Variants in ANK3 observed in about 807,000 individuals in gnomAD.
ANK3 encodes the protein ankyrin-3.
A neutral mutation model predicts 370.9 loss-of-function variants in ANK3; 57 were observed. That is an observed-to-expected ratio of 0.15 (90% CI 0.12 to 0.19). The LOEUF (loss-of-function observed/expected upper bound fraction) is 0.19, where lower values mean the gene tolerates loss of function less well. ANK3 is among the 10% of genes least tolerant of loss of function. The probability of loss-of-function intolerance (pLI) is 1.00; values close to 1 mark genes in which losing one functional copy is unlikely to be tolerated. For synonymous variants in ANK3, 1,929 were observed against 1,946.3 expected, an observed-to-expected ratio of 0.99 and a Z score of 0.23; for missense variants, 4,439 against 5,302.1, an observed-to-expected ratio of 0.84 and a Z score of 5.06.
intron 2 of ANK3, among the ~76,000 whole-genome samples, chr10:60,594,936 C>T (rs1251682348): frequency 1.3e-5 from 2 of 152,082 alleles, no homozygotes; most frequent in African/African-American, 4.8e-5. Context: ...CAATTTCAGG[C>T]TGATTCTGGC....
chr10:60,261,821 AAATGCT>A, intron 7 of ANK3, 32 bp downstream of exon 7: 1 of 1,569,552 alleles, frequency 6.4e-7, no homozygotes, highest in African/African-American at 1.4e-5. Flanking sequence ...AAATAGTTGC[AAATGCT>A]TTAAAGGTAT....
intron 1 of ANK3, among the ~76,000 whole-genome samples, chr10:60,729,768 A>G (rs1304574190): frequency 2.6e-5 from 4 of 152,240 alleles, no homozygotes; most frequent in Non-Finnish European, 4.4e-5. Flanking sequence ...CTGAAAACAC[A>G]TAACTTTCAT....
intron 23 of ANK3, chr10:60,140,988 C>T: frequency 1.0e-6 from 1 of 985,472 alleles, no homozygotes; most frequent in Non-Finnish European, 1.2e-6. Flanking sequence ...CATGGAGCTC[C>T]AGGCAAACTT....
chr10:60,287,427 G>A (rs1313598323), intron 1 of ANK3, among the ~76,000 whole-genome samples: 1 of 152,102 alleles, frequency 6.6e-6, no homozygotes, highest in Non-Finnish European at 1.5e-5. Context: ...GTTGGCACTA[G>A]TTACTCTGCT....
intron 1 of ANK3, among the ~76,000 whole-genome samples, chr10:60,382,797 C>CTATATG (rs1045326313): frequency 2.2e-5 from 3 of 133,744 alleles, no homozygotes; most frequent in African/African-American, 8.2e-5. Flanking sequence ...ATACCTAAAT[C>CTATATG]TATATATATA....
At chr10:60,354,515 G>T (rs1405101829) in intron 1 of ANK3, among the ~76,000 whole-genome samples, 1 of 152,174 alleles carries the variant, frequency 6.6e-6, no homozygotes, top group Non-Finnish European at 1.5e-5. Context: ...ATATTGTCTA[G>T]TAAGTCCTTA....
At chr10:60,360,035 T>G (rs2058353399) in intron 1 of ANK3, among the ~76,000 whole-genome samples, 1 of 152,358 alleles carries the variant, frequency 6.6e-6, no homozygotes, top group African/African-American at 2.4e-5. Context: ...GTACATTAAC[T>G]GATTCCTAAA....
intron 1 of ANK3, among the ~76,000 whole-genome samples, chr10:60,629,635 T>C (rs2078455837): frequency 1.3e-5 from 2 of 152,164 alleles, no homozygotes; most frequent in African/African-American, 4.8e-5. Context: ...AAATAGCTCA[T>C]GTAACATTTA....
At position 60,070,174 on chromosome 10, in the gene ANK3, C is replaced by T. The variant is rs2082427358; in HGVS notation, c.10707G>A (p.Leu3569=). The T allele has an allele frequency of 6.2e-7, 1 of 1,614,138 alleles. No homozygotes were observed. Among genetic ancestry groups the T allele is most frequent in the South Asian group, 1.1e-5 (1 of 91,080 alleles). The change falls in exon 37 of 44, where the codon CTG becomes CTA. Residue 3569 remains leucine, a synonymous_variant. Transcript: ENST00000280772. This position sits in a 1 kb window ranked among gnomAD's most constrained non-coding sequence, Gnocchi z 5.7. ...TTGCTGGAGAGCGGTCTTCTACCGC[C>T]AGCCCAAATGGCTTAGTTTCATCTT... ...SREDETKPFG[L]AVEDRSPATT...
intron 1 of ANK3, among the ~76,000 whole-genome samples, chr10:60,655,459 G>GA (rs2078850647): frequency 6.6e-6 from 1 of 151,334 alleles, no homozygotes; most frequent in African/African-American, 2.4e-5. Flanking sequence ...AAAATAAAAT[G>GA]AAAAATATTT....
intron 1 of ANK3, among the ~76,000 whole-genome samples, chr10:60,346,466 C>T (rs1456699005): frequency 1.4e-5 from 1 of 73,930 alleles, no homozygotes; most frequent in East Asian, 4.5e-4. Flanking sequence ...AAACTTATAA[C>T]TCTTTATAAA....
chr10:60,113,384 A>T (rs139739594), intron 26 of ANK3, among the ~76,000 whole-genome samples: 1 of 152,210 alleles, frequency 6.6e-6, no homozygotes, highest in African/African-American at 2.4e-5. Context: ...TGAGAAAAAA[A>T]TGACAATACC....
Position 60,073,452 on chromosome 10 carries a change from G to A in ANK3, c.7429C>T (p.His2477Tyr). ...GTAACCGATTCCTCAGTATCAGAAT[G>A]AGACACATCTAGCTTTTCTGACAGA... ...MLLSEKLDVS[H>Y]SDTEESVTDH... is the part of the protein sequence containing the mutation. The change falls in exon 37 of 44, where the codon CAT becomes TAT. Residue 2477 changes from histidine to tyrosine, a missense_variant. By Grantham distance (83) the His-to-Tyr change is moderately conservative. Coordinates refer to ENST00000280772, the MANE Select transcript of ANK3 (RefSeq NM_020987.5). 1 of 1,613,990 alleles carries A rather than the reference G, an allele frequency of 6.2e-7. No individual in the cohort carries two copies. Among genetic ancestry groups the A allele is most frequent in the Non-Finnish European group, 8.5e-7 (1 of 1,179,978 alleles).
chr10:60,460,001 G>A (rs1423706244), intron 2 of ANK3, among the ~76,000 whole-genome samples: 1 of 152,110 alleles, frequency 6.6e-6, no homozygotes, highest in Non-Finnish European at 1.5e-5. Flanking sequence ...GAACAGCTCA[G>A]CTCAGAAAAG....
intron 31 of ANK3, 108 bp from the exon 32 acceptor site, chr10:60,084,938 A>G: frequency 8.3e-6 from 7 of 843,644 alleles, no homozygotes; most frequent in Admixed American, 3.3e-5. Context: ...CTAACCCAAA[A>G]CGTTATTAAC....
chr10:60,037,178 A>G (rs2075200408), intron 43 of ANK3, among the ~76,000 whole-genome samples: 1 of 152,176 alleles, frequency 6.6e-6, no homozygotes, highest in Non-Finnish European at 1.5e-5. Flanking sequence ...GAACTGAAGC[A>G]ATAAGTTCCT....
chr10:60,381,351 A>T (rs2061523004), intron 1 of ANK3, among the ~76,000 whole-genome samples: 1 of 152,176 alleles, frequency 6.6e-6, no homozygotes. Context: ...TCATTTAGCT[A>T]CTGAGATAAG....
rs577358651 is a variant in ANK3 at position 60,157,856 on chromosome 10, A to G, written c.2614+8735T>C. 4.7e-5 allele frequency among the ~76,000 whole-genome samples: 7 copies of G among 148,322 alleles called. No individual in the cohort carries two copies. In the South Asian group the frequency reaches 1.5e-3, roughly 32 times the overall value. ...CAAATCTAAGTTATTGGCCTTAAAG[A>G]GAATGGAGAGACAGAGAGAGAGAGA... On this transcript the variant is annotated intron_variant, in intron 23 of 43. Transcript: ENST00000280772.
At chr10:60,701,435 T>C (rs2079544725) in intron 1 of ANK3, among the ~76,000 whole-genome samples, 1 of 149,306 alleles carries the variant, frequency 6.7e-6, no homozygotes, top group South Asian at 2.1e-4. Context: ...AGATACACAG[T>C]GGGGAAAAAA....
Sources: allele counts gnomAD v4.1 joint callset (sites outside exome capture counted in the v4.1 genomes callset), GRCh38; gene constraint gnomAD v4.1.1; non-coding constraint Gnocchi (gnomAD v3.1); transcripts MANE v1.5; gene names NCBI Gene and HGNC (gene_info 2026-07-23, HGNC 2026-07-21).